TUSC3: variants seen among roughly 807,000 people sequenced by gnomAD.
The protein encoded by TUSC3 is dolichyl-diphosphooligosaccharide--protein glycosyltransferase subunit TUSC3.
Under a neutral mutation model 44.8 loss-of-function variants are expected in TUSC3, and 45 were observed. The ratio of observed to expected loss-of-function variants is 1.00; its 90% CI spans 0.79 to 1.29. The LOEUF is 1.29. Among genes scored for constraint, TUSC3 ranks in the 50% most tolerant of loss-of-function variants. TUSC3 has a pLI of 0.00. For missense variants in TUSC3, 519 were observed against 437.9 expected (o/e 1.19, Z -1.65); for synonymous variants, 212 against 152.9 (o/e 1.39, Z -2.85).
At chr8:15,475,618 G>C (rs1184774459) in intron 1 of TUSC3, among the ~76,000 whole-genome samples, 1 of 152,104 alleles carries the variant, frequency 6.6e-6, no homozygotes, top group African/African-American at 2.4e-5. Context: ...CTGGAAAACT[G>C]GAGCTCTAGA....
chr8:15,827,292 G>T, the TUSC3 span, among the ~76,000 whole-genome samples: 1 of 152,132 alleles, frequency 6.6e-6, no homozygotes, highest in Non-Finnish European at 1.5e-5. Context: ...AACCAGTTAC[G>T]GAGCAGTAAC....
intron 1 of TUSC3, among the ~76,000 whole-genome samples, chr8:15,576,285 T>A (rs1363952606): frequency 7.8e-6 from 1 of 127,690 alleles, no homozygotes. Context: ...TCTTGTTTTT[T>A]TTTTTTATTT....
At chr8:15,747,408 A>G (rs1811463600) in intron 8 of TUSC3, among the ~76,000 whole-genome samples, 1 of 151,832 alleles carries the variant, frequency 6.6e-6, no homozygotes, top group Non-Finnish European at 1.5e-5. Flanking sequence ...ATATTTCTTA[A>G]GAGATTAACA....
chr8:15,467,035 T>C (rs1381223436), intron 1 of TUSC3, among the ~76,000 whole-genome samples: 1 of 152,124 alleles, frequency 6.6e-6, no homozygotes, highest in Non-Finnish European at 1.5e-5. Flanking sequence ...TCATTGCATA[T>C]AGCTAAGGAC....
At chr8:15,418,674 A>C (rs897595470) in intron 1 of TUSC3, among the ~76,000 whole-genome samples, 2 of 152,192 alleles carry the variant, frequency 1.3e-5, no homozygotes, top group Non-Finnish European at 2.9e-5. Context: ...CGAAGAGCTC[A>C]ATGCTGTTTT....
At position 15,501,062 on chromosome 8, in the gene TUSC3, A is replaced by G. The variant is rs1461703888; in HGVS notation, n.189+17579A>G. Among the ~76,000 whole-genome samples the G allele has an allele frequency of 5.9e-5, 9 of 151,324 alleles. No homozygotes were observed. The East Asian group carries it at 1.8e-3, about 30-fold the overall frequency. On this transcript the variant is annotated intron_variant and non_coding_transcript_variant, in intron 2 of 5. Transcript: ENST00000503191. ...CTTCCTTGACCCACCCAAGTCTAAG[A>G]CAGACAGTTTATAAAAACTTAGGAC...
At chr8:15,837,530 T>C in the TUSC3 span, among the ~76,000 whole-genome samples, 1 of 152,146 alleles carries the variant, frequency 6.6e-6, no homozygotes, top group Non-Finnish European at 1.5e-5. Context: ...CCCATGTTCC[T>C]TACTGTTTAG....
chr8:15,674,877 A>G (rs1808113808), intron 6 of TUSC3, among the ~76,000 whole-genome samples: 1 of 152,054 alleles, frequency 6.6e-6, no homozygotes. Flanking sequence ...ATTGGAAGCA[A>G]TTTTAGAGCA....
chr8:15,609,745 C>G (rs139755509), intron 1 of TUSC3, among the ~76,000 whole-genome samples: 213 of 136,898 alleles, frequency 1.6e-3, no homozygotes, highest in African/African-American at 4.7e-3. Context: ...AGGAGGACAA[C>G]AAACATTTAA....
intron 2 of TUSC3, among the ~76,000 whole-genome samples, chr8:15,529,687 A>G (rs1801425217): frequency 6.6e-6 from 1 of 151,282 alleles, no homozygotes; most frequent in East Asian, 2.0e-4. Context: ...ATTTCCAGCC[A>G]TTGGTTTTCA....
chr8:15,471,902 G>T (rs998061841), intron 1 of TUSC3, among the ~76,000 whole-genome samples: 1 of 152,132 alleles, frequency 6.6e-6, no homozygotes, highest in African/African-American at 2.4e-5. Flanking sequence ...ACAGGCATGA[G>T]CTGCCACACC....
intron 1 of TUSC3, among the ~76,000 whole-genome samples, chr8:15,431,316 C>A (rs573058656): frequency 7.3e-5 from 11 of 151,690 alleles, no homozygotes; most frequent in African/African-American, 1.9e-4. Context: ...TCTTCCAATC[C>A]ATGAACACAT....
intron 1 of TUSC3, among the ~76,000 whole-genome samples, chr8:15,463,522 A>T (rs1444399196): frequency 1.3e-5 from 2 of 152,152 alleles, no homozygotes; most frequent in African/African-American, 4.8e-5. Flanking sequence ...GCTCTTAATG[A>T]GAAAGCATCT....
At chr8:15,730,906 T>C (rs1810695630) in intron 7 of TUSC3, among the ~76,000 whole-genome samples, 177 bp downstream of exon 7, 1 of 152,090 alleles carries the variant, frequency 6.6e-6, no homozygotes, top group African/African-American at 2.4e-5. Flanking sequence ...GTATAATTTG[T>C]TGCTATTCCG....
At chr8:15,545,458 C>T (rs1263534014) in intron 1 of TUSC3, among the ~76,000 whole-genome samples, 1 of 151,668 alleles carries the variant, frequency 6.6e-6, no homozygotes, top group Non-Finnish European at 1.5e-5. Context: ...AGTAAACACT[C>T]ATTTTTCTGG....
intron 6 of TUSC3, among the ~76,000 whole-genome samples, chr8:15,684,359 TAGAGGAAGGGC>T (rs1426121776): frequency 6.6e-6 from 1 of 151,936 alleles, no homozygotes; most frequent in East Asian, 1.9e-4. Context: ...GGTGATGCAG[TAGAGGAAGGGC>T]AGAGGATCCT....
At chr8:15,848,134 A>C in the TUSC3 span, among the ~76,000 whole-genome samples, 1 of 151,478 alleles carries the variant, frequency 6.6e-6, no homozygotes, top group Non-Finnish European at 1.5e-5. Context: ...CTTCCCCCCG[A>C]GTGAAGTAAG....
chr8:15,648,324 C>A (rs1010206318), intron 2 of TUSC3, among the ~76,000 whole-genome samples: 1 of 152,032 alleles, frequency 6.6e-6, no homozygotes, highest in African/African-American at 2.4e-5. Context: ...TCCGTGAATA[C>A]CCATGAACAA....
intron 1 of TUSC3, among the ~76,000 whole-genome samples, chr8:15,436,549 T>C (rs1407745243): frequency 1.3e-5 from 2 of 152,218 alleles, no homozygotes; most frequent in African/African-American, 2.4e-5. Flanking sequence ...GAACAACTAA[T>C]GTTTCTGAAG....
Sources: gnomAD v4.1 joint callset for allele counts (sites outside exome capture counted in the v4.1 genomes callset) on GRCh38, gnomAD v4.1.1 for gene constraint, MANE v1.5 for transcripts, NCBI Gene and HGNC (gene_info 2026-07-23, HGNC 2026-07-21) for gene names.